Variants in DMXL2 observed in about 807,000 individuals in gnomAD.
DMXL2 encodes the protein Dmx like 2.
In DMXL2, 103 loss-of-function variants were observed where a neutral mutation model predicts 331.1. The ratio of observed to expected loss-of-function variants is 0.31; its 90% CI spans 0.27 to 0.37. DMXL2 has a LOEUF of 0.37. Among genes scored for constraint, DMXL2 ranks in the 10% least tolerant of loss-of-function variants. The pLI, the probability that DMXL2 is intolerant of heterozygous loss-of-function variation, is 1.00. For missense variants in DMXL2, 3,171 were observed against 3,642.9 expected (o/e 0.87, Z 3.33); for synonymous variants, 1,281 against 1,252.1 (o/e 1.02, Z -0.49).
At chr15:51,599,120 C>G (rs1044301389) in intron 1 of DMXL2, among the ~76,000 whole-genome samples, 1 of 152,154 alleles carries the variant, frequency 6.6e-6, no homozygotes, top group African/African-American at 2.4e-5. Context: ...CAGATTGTCC[C>G]AGATTTGGCC....
At position 51,500,009 on chromosome 15, in the gene DMXL2, A is replaced by T; in HGVS notation, c.3215T>A (p.Val1072Asp). 1 of 1,614,154 alleles carries T rather than the reference A, an allele frequency of 6.2e-7. No homozygotes were observed. The highest frequency in any genetic ancestry group is 8.5e-7 in the Non-Finnish European group (1 of 1,180,012). The change falls in exon 18 of 44, where the codon GTT becomes GAT. Residue 1072 changes from valine (V) to aspartate (D), a missense_variant. By Grantham distance (152) the Val-to-Asp change is radical (BLOSUM62 -3). Transcript: ENST00000560891. ...SSTVSIVGRP[V>D]AVSCSYTGRL... ...ACCTGTGTATGAACAGCTAACAGCA[A>T]CTGGTCTTCCCACAATGCTCACTGT...
chr15:51,545,365 A>T (rs1473572683), intron 8 of DMXL2, among the ~76,000 whole-genome samples: 1 of 152,200 alleles, frequency 6.6e-6, no homozygotes, highest in Non-Finnish European at 1.5e-5. Flanking sequence ...AAAAACTTTT[A>T]ATAATATTTA....
At chr15:51,591,273 C>G (rs1253404710) in intron 1 of DMXL2, among the ~76,000 whole-genome samples, 2 of 152,244 alleles carry the variant, frequency 1.3e-5, no homozygotes, top group Non-Finnish European at 2.9e-5. Flanking sequence ...AAACAGCACA[C>G]CAGGAGATTA....
At chr15:51,542,182 A>G in intron 9 of DMXL2, 151 bp downstream of exon 9, 2 of 734,442 alleles carry the variant, frequency 2.7e-6, no homozygotes, top group Non-Finnish European at 4.3e-6. Flanking sequence ...GCCCAATTCA[A>G]AAAATGGTAC....
intron 2 of DMXL2, among the ~76,000 whole-genome samples, chr15:51,573,805 C>A (rs1017631227): frequency 6.6e-6 from 1 of 152,020 alleles, no homozygotes; most frequent in African/African-American, 2.4e-5. Flanking sequence ...AACAAACCTA[C>A]ACGTTCTGCA....
At chr15:51,618,807 C>T (rs1472814997) in intron 1 of DMXL2, among the ~76,000 whole-genome samples, 1 of 152,224 alleles carries the variant, frequency 6.6e-6, no homozygotes, top group Non-Finnish European at 1.5e-5. Context: ...CTTGTTTTCC[C>T]AACTACAATC....
chr15:51,539,076 G>A (rs114574588), intron 9 of DMXL2, among the ~76,000 whole-genome samples: 1,612 of 152,054 alleles, frequency 0.011, 25 homozygotes, highest in African/African-American at 0.037. Flanking sequence ...CCAGTGTGGC[G>A]GGGTGTGCCT....
chr15:51,558,984 C>T (rs770307372), intron 6 of DMXL2, among the ~76,000 whole-genome samples: 20 of 151,928 alleles, frequency 1.3e-4, no homozygotes, highest in African/African-American at 3.6e-4. Context: ...CATCATACTA[C>T]GAGGAAAGTT....
chr15:51,478,140 G>T, intron 26 of DMXL2, 131 bp downstream of exon 26: 1 of 598,266 alleles, frequency 1.7e-6, no homozygotes, highest in Non-Finnish European at 2.8e-6. Flanking sequence ...TGATTCTCTC[G>T]CATGTATTAA....
chr15:51,509,212 C>G (rs2046602288), intron 15 of DMXL2, among the ~76,000 whole-genome samples: 1 of 151,486 alleles, frequency 6.6e-6, no homozygotes, highest in South Asian at 2.1e-4. Context: ...AAAACTTGCT[C>G]TAGAACTGAA....
chr15:51,619,683 T>C (rs1483865548), intron 1 of DMXL2, among the ~76,000 whole-genome samples: 1 of 152,234 alleles, frequency 6.6e-6, no homozygotes, highest in Non-Finnish European at 1.5e-5. Context: ...AATTTTAGAC[T>C]CTGAAATAAA....
At chr15:51,474,200 T>C in intron 28 of DMXL2, 144 bp downstream of exon 28, 1 of 694,384 alleles carries the variant, frequency 1.4e-6, no homozygotes, top group Non-Finnish European at 2.3e-6. Flanking sequence ...TATCATGGGT[T>C]TAATTATTTG....
At chr15:51,587,643 C>T (rs1411114091) in intron 1 of DMXL2, among the ~76,000 whole-genome samples, 1 of 152,136 alleles carries the variant, frequency 6.6e-6, no homozygotes, top group Non-Finnish European at 1.5e-5. Context: ...GTGCATGTGT[C>T]TTTATAGCAG....
chr15:51,509,905 C>T (rs1289113520), intron 15 of DMXL2, among the ~76,000 whole-genome samples: 1 of 152,132 alleles, frequency 6.6e-6, no homozygotes, highest in Non-Finnish European at 1.5e-5. Context: ...GTTCAACGTA[C>T]ACAAATCAAT....
At chr15:51,606,009 AGAGT>A (rs1342564903) in intron 1 of DMXL2, among the ~76,000 whole-genome samples, 1 of 152,240 alleles carries the variant, frequency 6.6e-6, no homozygotes, top group Non-Finnish European at 1.5e-5. Context: ...CTAATCTAAA[AGAGT>A]GAGGGTAAAA....
At chr15:51,474,223 G>C (rs2041373479) in intron 28 of DMXL2, 121 bp downstream of exon 28, 2 of 871,454 alleles carry the variant, frequency 2.3e-6, no homozygotes, top group African/African-American at 3.4e-5. Context: ...GTCATAACAA[G>C]AGTGATTATA....
At chr15:51,619,079 G>C (rs1290812920) in intron 1 of DMXL2, among the ~76,000 whole-genome samples, 1 of 152,072 alleles carries the variant, frequency 6.6e-6, no homozygotes, top group Non-Finnish European at 1.5e-5. Flanking sequence ...GTGCAGTAAA[G>C]TTTAAAAAAT....
At chr15:51,616,708 C>A (rs1010236265) in intron 1 of DMXL2, among the ~76,000 whole-genome samples, 5 of 152,084 alleles carry the variant, frequency 3.3e-5, no homozygotes, top group African/African-American at 1.2e-4. Context: ...GAGGCTGAGG[C>A]AGGAGGATCA....
intron 22 of DMXL2, among the ~76,000 whole-genome samples, chr15:51,487,489 A>G (rs897450808): frequency 6.6e-6 from 1 of 151,398 alleles, no homozygotes; most frequent in Non-Finnish European, 1.5e-5. Context: ...ATGGAGTCTC[A>G]CTCTGTCGCC....
Sources: allele counts gnomAD v4.1 joint callset (sites outside exome capture counted in the v4.1 genomes callset), GRCh38; gene constraint gnomAD v4.1.1; transcripts MANE v1.5; gene names NCBI Gene and HGNC (gene_info 2026-07-23, HGNC 2026-07-21).